Variants in FAM193A observed in about 807,000 individuals in gnomAD.
The protein encoded by FAM193A is family with sequence similarity 193 member A, also known as protein FAM193A.
FAM193A carries 22 observed loss-of-function variants against 126.5 expected under a neutral mutation model. The ratio of observed to expected loss-of-function variants is 0.17; its 90% CI spans 0.12 to 0.25. The LOEUF (loss-of-function observed/expected upper bound fraction) is 0.25, where lower values mean the gene tolerates loss of function less well. Ranked by LOEUF, FAM193A falls within the 10% of genes least tolerant of loss-of-function variation. The pLI is 1.00. For missense variants in FAM193A, 1,675 were observed against 1,672.8 expected, an observed-to-expected ratio of 1.00 and a Z score of -0.02; for synonymous variants, 761 against 646.8, an observed-to-expected ratio of 1.18 and a Z score of -2.68.
chr4:2,710,136 TA>T (rs1166065010), intron 19 of FAM193A, among the ~76,000 whole-genome samples: 1 of 151,512 alleles, frequency 6.6e-6, no homozygotes, highest in Non-Finnish European at 1.5e-5. Flanking sequence ...CTGAGTTTAT[TA>T]TTTAGGTTTA....
At position 2,623,930 on chromosome 4, in the gene FAM193A, T is replaced by C. The variant is rs368017761; in HGVS notation, c.502-1332T>C. Among the ~76,000 whole-genome samples the C allele has an allele frequency of 2.6e-5, 4 of 152,264 alleles. 1 individual carries two copies. The highest frequency in any genetic ancestry group is 1.9e-4 in the East Asian group (1 of 5,180). ...ATTATGGAGCTGGCAGCCCCTGTCA[T>C]GAGCCTGGGGAAGGCTCTCTAGCAC... On this transcript the variant is annotated intron_variant, in intron 2 of 20. Coordinates refer to ENST00000637812, the MANE Select transcript of FAM193A (RefSeq NM_001366318.2).
intron 1 of FAM193A, among the ~76,000 whole-genome samples, chr4:2,565,599 G>A (rs576169036): frequency 3.9e-5 from 6 of 152,110 alleles, no homozygotes; most frequent in African/African-American, 7.2e-5. Context: ...CATGTAGTCC[G>A]TCAGGTAAGA....
chr4:2,679,796 C>G (rs1577192762), intron 13 of FAM193A, among the ~76,000 whole-genome samples: 1 of 151,782 alleles, frequency 6.6e-6, no homozygotes, highest in Non-Finnish European at 1.5e-5. Flanking sequence ...GGTATTAATT[C>G]TTTAAATATT....
At chr4:2,705,708 GCCT>G (rs1049136584) in intron 19 of FAM193A, among the ~76,000 whole-genome samples, 1 of 151,806 alleles carries the variant, frequency 6.6e-6, no homozygotes, top group African/African-American at 2.4e-5. Flanking sequence ...TCCCGCCTCA[GCCT>G]CCTGAGTAGC....
chr4:2,724,153 G>A (rs950032304), intron 20 of FAM193A, among the ~76,000 whole-genome samples: 1 of 151,628 alleles, frequency 6.6e-6, no homozygotes, highest in African/African-American at 2.4e-5. Flanking sequence ...ACTATTAATT[G>A]TAGTAAAATC....
intron 10 of FAM193A, 140 bp downstream of exon 10, chr4:2,660,194 T>A: frequency 1.2e-6 from 1 of 849,534 alleles, no homozygotes; most frequent in Non-Finnish European, 1.8e-6. Context: ...TTAATGCAGC[T>A]TTTAAAACAT....
At chr4:2,645,239 C>G (rs756183610) in intron 6 of FAM193A, among the ~76,000 whole-genome samples, 7 of 152,178 alleles carry the variant, frequency 4.6e-5, no homozygotes, top group Non-Finnish European at 1.0e-4. Context: ...GTATTTGATT[C>G]TAAGCCATCC....
At chr4:2,554,257 G>A (rs575269280) in intron 1 of FAM193A, among the ~76,000 whole-genome samples, 33 of 152,070 alleles carry the variant, frequency 2.2e-4, no homozygotes, top group East Asian at 1.2e-3. Context: ...GCTAAGTTTT[G>A]TATTTTTAGT....
chr4:2,723,675 AATAAG>A (rs1720411855), intron 20 of FAM193A, among the ~76,000 whole-genome samples: 1 of 152,272 alleles, frequency 6.6e-6, no homozygotes, highest in Non-Finnish European at 1.5e-5. Context: ...TTGATATCAA[AATAAG>A]ATCATCACAA....
intron 20 of FAM193A, among the ~76,000 whole-genome samples, chr4:2,717,138 C>G (rs975867360): frequency 1.3e-5 from 2 of 152,072 alleles, no homozygotes; most frequent in Non-Finnish European, 2.9e-5. Flanking sequence ...TGCCACCACG[C>G]CTGGCTAATT....
chr4:2,572,276 C>G (rs1343599932), intron 1 of FAM193A, among the ~76,000 whole-genome samples: 1 of 150,886 alleles, frequency 6.6e-6, no homozygotes, highest in Admixed American at 6.6e-5. Flanking sequence ...TTGCCGTGAG[C>G]CAAGATCGCG....
In FAM193A at chr4:2,601,989, C is replaced by T. The variant is rs758596258; in HGVS notation, c.501+5660C>T. ...GGGTAGCTGGGACTACAGGCATGTA[C>T]CACCGTGCCCAGCTAATTTTTGTAT... On this transcript the variant is annotated intron_variant, in intron 2 of 20. Coordinates refer to ENST00000637812, the MANE Select transcript of FAM193A (RefSeq NM_001366318.2). Among the ~76,000 whole-genome samples, 4 of 151,924 alleles carry T rather than the reference C, an allele frequency of 2.6e-5. No homozygotes were observed. The South Asian group carries it at 6.2e-4, about 24-fold the overall frequency.
At position 2,709,829 on chromosome 4, in the gene FAM193A, C is replaced by A. The variant is rs961566142; in HGVS notation, c.4373-6194C>A. 9.5e-4 allele frequency among the ~76,000 whole-genome samples: 144 copies of A among 152,166 alleles called. 2 individuals are homozygous for A. Among genetic ancestry groups the A allele is most frequent in the Admixed American group, 2.0e-4 (3 of 15,268 alleles). On this transcript the variant is annotated intron_variant, in intron 19 of 20. Coordinates refer to ENST00000637812, the MANE Select transcript of FAM193A (RefSeq NM_001366318.2). The stretch of plus-strand genomic sequence containing the variant: ...GGTTTGATAGAAATCCCTTTGCAAG[C>A]CCCCTGGACCTGGTGTGTTTTCTGT...
At chr4:2,603,988 G>GT (rs1369542606) in intron 2 of FAM193A, among the ~76,000 whole-genome samples, 3 of 151,890 alleles carry the variant, frequency 2.0e-5, no homozygotes, top group Middle Eastern at 3.4e-3. Flanking sequence ...GATTACAGGC[G>GT]TGTGTCACCA....
At chr4:2,592,044 G>A (rs1291705018) in intron 1 of FAM193A, among the ~76,000 whole-genome samples, 2 of 152,038 alleles carry the variant, frequency 1.3e-5, no homozygotes, top group African/African-American at 4.8e-5. Flanking sequence ...CTATGTGTTT[G>A]TAGGATTTGG....
intron 1 of FAM193A, among the ~76,000 whole-genome samples, chr4:2,566,223 A>G (rs1001186773): frequency 1.3e-5 from 2 of 151,886 alleles, no homozygotes; most frequent in African/African-American, 2.4e-5. Flanking sequence ...AATTTTTTGT[A>G]TTTTTAGTAG....
intron 5 of FAM193A, 21 bp downstream of exon 5, chr4:2,631,190 T>G: frequency 6.3e-7 from 1 of 1,583,922 alleles, no homozygotes; most frequent in Non-Finnish European, 8.6e-7. Context: ...AAACGTGTTT[T>G]TCTTTCTGTT....
chr4:2,687,400 A>G (rs1367796151), intron 13 of FAM193A, among the ~76,000 whole-genome samples: 1 of 152,178 alleles, frequency 6.6e-6, no homozygotes, highest in Non-Finnish European at 1.5e-5. Flanking sequence ...CAGATTACAG[A>G]TGAGAAAACT....
chr4:2,578,442 CTT>C lies in FAM193A; in HGVS notation c.256-17641_256-17640del, dbSNP rs538964169. ...TCTCATTTGATTCTGTGGCAACCTT[CTT>C]GGTAGGTTTTTTTTTTCCCCCCTCA... On this transcript the variant is annotated intron_variant, in intron 1 of 20. Coordinates refer to ENST00000637812, the MANE Select transcript of FAM193A (RefSeq NM_001366318.2). Among the ~76,000 whole-genome samples, 497 of 151,852 alleles carry C rather than the reference CTT, an allele frequency of 3.3e-3. 4 individuals carry two copies. Among genetic ancestry groups the C allele is most frequent in the African/African-American group, 0.011 (449 of 41,366 alleles).
Sources: gnomAD v4.1 joint callset for allele counts (sites outside exome capture counted in the v4.1 genomes callset) on GRCh38, gnomAD v4.1.1 for gene constraint, MANE v1.5 for transcripts, NCBI Gene and HGNC (gene_info 2026-07-23, HGNC 2026-07-21) for gene names.